The following SUCLG2 variants were observed in gnomAD, a reference collection of about 807,000 sequenced individuals.
SUCLG2 encodes succinate-CoA ligase GDP-forming subunit beta, also known as succinate--CoA ligase [GDP-forming] subunit beta, mitochondrial.
SUCLG2 carries 42 observed loss-of-function variants against 47.9 expected under a neutral mutation model. The observed-to-expected ratio is 0.88, with a 90% CI of 0.69 to 1.14. The LOEUF is 1.14. SUCLG2 is among the 50% of genes most tolerant of loss of function. The probability of loss-of-function intolerance (pLI) is 0.00; values close to 1 mark genes in which losing one functional copy is unlikely to be tolerated. For synonymous variants in SUCLG2, 195 were observed against 197.3 expected, an observed-to-expected ratio of 0.99 and a Z score of 0.10; for missense variants, 571 against 525.9, an observed-to-expected ratio of 1.09 and a Z score of -0.84.
At chr3:67,639,451 A>T (rs964800224) in intron 1 of SUCLG2, among the ~76,000 whole-genome samples, 2 of 152,014 alleles carry the variant, frequency 1.3e-5, no homozygotes, top group African/African-American at 4.8e-5. Context: ...CTTGCAGCAG[A>T]TGCTCTCAGT....
chr3:67,554,501 G>T (rs1246707587), intron 2 of SUCLG2, among the ~76,000 whole-genome samples: 1 of 152,044 alleles, frequency 6.6e-6, no homozygotes, highest in Non-Finnish European at 1.5e-5. Context: ...AATAAATTTG[G>T]TGCTACACTC....
downstream of SUCLG2, among the ~76,000 whole-genome samples, chr3:67,369,770 G>A (rs540959451): frequency 6.6e-6 from 1 of 152,234 alleles, no homozygotes; most frequent in South Asian, 2.1e-4. Flanking sequence ...TTCAACCTTT[G>A]CTTCTGTCAC....
intron 9 of SUCLG2, among the ~76,000 whole-genome samples, chr3:67,464,660 CACA>C (rs1421500839): frequency 2.6e-5 from 4 of 152,196 alleles, no homozygotes; most frequent in Non-Finnish European, 4.4e-5. Context: ...TAGGAACTGT[CACA>C]ACGAGAAAAT....
chr3:67,376,821 C>T (rs1184862881), intron 10 of SUCLG2, among the ~76,000 whole-genome samples: 2 of 152,170 alleles, frequency 1.3e-5, no homozygotes, highest in African/African-American at 4.8e-5. Context: ...TGTGTCTTCA[C>T]CTTAAGGCTC....
At chr3:67,471,416 G>A (rs1704602481) in intron 9 of SUCLG2, among the ~76,000 whole-genome samples, 1 of 152,192 alleles carries the variant, frequency 6.6e-6, no homozygotes, top group African/African-American at 2.4e-5. Context: ...AATGACATTA[G>A]GACATCACAC....
chr3:67,638,731 G>A (rs576037140), intron 1 of SUCLG2, among the ~76,000 whole-genome samples: 1 of 152,300 alleles, frequency 6.6e-6, no homozygotes, highest in East Asian at 1.9e-4. Context: ...CTGACAGGTG[G>A]GTGTTCAAAT....
chr3:67,630,120 CA>C (rs1364949141), intron 1 of SUCLG2, among the ~76,000 whole-genome samples: 1 of 151,848 alleles, frequency 6.6e-6, no homozygotes, highest in Non-Finnish European at 1.5e-5. Context: ...AGGTACTGTA[CA>C]CTCTATTTAC....
Position 67,537,939 on chromosome 3 carries a change from G to T in SUCLG2, c.227-8753C>A, listed in dbSNP as rs150692684. On this transcript the variant is annotated intron_variant, in intron 2 of 10. Transcript: ENST00000307227. The stretch of plus-strand genomic sequence containing the variant: ...TTGTTTTCTTCTTTCTTGTAAATTT[G>T]TTTAAGTTCCTTGCAGATTCTGGAT... Among the ~76,000 whole-genome samples, 677 of 152,196 alleles carry T rather than the reference G, an allele frequency of 4.4e-3. 8 individuals carry two copies. The East Asian group carries it at 0.054, about 12-fold the overall frequency.
chr3:67,400,634 C>A, intron 10 of SUCLG2, 97 bp downstream of exon 10: 1 of 1,516,256 alleles, frequency 6.6e-7, no homozygotes, highest in South Asian at 1.3e-5. Flanking sequence ...TCTAGTGTTT[C>A]GTTCTGTTAT....
chr3:67,409,483 T>C (rs1172795475), intron 9 of SUCLG2, among the ~76,000 whole-genome samples: 3 of 152,118 alleles, frequency 2.0e-5, no homozygotes, highest in Non-Finnish European at 4.4e-5. Context: ...TGGGGGCACA[T>C]TCTAGTTAGT....
At chr3:67,605,332 G>A (rs1700390015) in intron 2 of SUCLG2, among the ~76,000 whole-genome samples, 1 of 152,076 alleles carries the variant, frequency 6.6e-6, no homozygotes, top group Non-Finnish European at 1.5e-5. Context: ...TTCTTGCTTT[G>A]CTCTCTCCAG....
chr3:67,508,906 A>C lies in SUCLG2; in HGVS notation c.661-3T>G. 6.3e-7 allele frequency: 1 copy of C among 1,592,632 alleles called. No homozygotes were observed. Among genetic ancestry groups the C allele is most frequent in the African/African-American group, 1.3e-5 (1 of 74,106 alleles). On this transcript the variant is annotated splice_polypyrimidine_tract_variant and splice_region_variant and intron_variant, in intron 6 of 10. Transcript: ENST00000307227. ...AGCTTCGTAATTTGATCTGCAGCCTAAATGTGATCAAGTGAAATAGAATTA... is the reference window on the plus strand; with the variant it reads ...AGCTTCGTAATTTGATCTGCAGCCTCAATGTGATCAAGTGAAATAGAATTA...
intron 9 of SUCLG2, among the ~76,000 whole-genome samples, chr3:67,443,121 T>C (rs1196553881): frequency 2.0e-5 from 3 of 152,194 alleles, no homozygotes; most frequent in Non-Finnish European, 4.4e-5. Flanking sequence ...GTATTACAAG[T>C]AATCTGGAGA....
At chr3:67,497,768 C>T (rs1705384820) in intron 8 of SUCLG2, among the ~76,000 whole-genome samples, 1 of 152,062 alleles carries the variant, frequency 6.6e-6, no homozygotes. Context: ...CATACCACAG[C>T]CATTTGGAAC....
intron 9 of SUCLG2, among the ~76,000 whole-genome samples, chr3:67,471,173 C>T (rs906552523): frequency 6.6e-6 from 1 of 151,970 alleles, no homozygotes; most frequent in African/African-American, 2.4e-5. Flanking sequence ...TTATTTAAAT[C>T]ACATTACTGG....
intron 1 of SUCLG2, among the ~76,000 whole-genome samples, chr3:67,636,240 G>A (rs573064276): frequency 6.6e-6 from 1 of 152,222 alleles, no homozygotes; most frequent in African/African-American, 2.4e-5. Context: ...AACAAACTAT[G>A]CAGACAGCCT....
intron 10 of SUCLG2, among the ~76,000 whole-genome samples, chr3:67,396,387 C>T (rs1228791044): frequency 1.3e-5 from 2 of 151,996 alleles, no homozygotes; most frequent in Non-Finnish European, 2.9e-5. Context: ...GAGAATACTA[C>T]AAACACCTCT....
intron 9 of SUCLG2, among the ~76,000 whole-genome samples, chr3:67,459,565 AAAAG>A (rs1267408462): frequency 6.6e-6 from 1 of 152,220 alleles, no homozygotes; most frequent in Non-Finnish European, 1.5e-5. Context: ...GATATAATGA[AAAAG>A]AAATTTACCA....
intron 6 of SUCLG2, among the ~76,000 whole-genome samples, chr3:67,517,321 G>C (rs748772479): frequency 2.6e-5 from 4 of 152,142 alleles, no homozygotes; most frequent in Non-Finnish European, 4.4e-5. Flanking sequence ...AAGACAGAAA[G>C]AAAAGAGTGC....
Sources: gnomAD v4.1 joint callset for allele counts (sites outside exome capture counted in the v4.1 genomes callset) on GRCh38, gnomAD v4.1.1 for gene constraint, MANE v1.5 for transcripts, NCBI Gene and HGNC (gene_info 2026-07-23, HGNC 2026-07-21) for gene names.